ANO2: variants seen among roughly 807,000 people sequenced by gnomAD.
ANO2 encodes anoctamin 2.
In ANO2, 101 loss-of-function variants were observed where a neutral mutation model predicts 124.2. The ratio of observed to expected loss-of-function variants is 0.81; its 90% CI spans 0.69 to 0.96. The LOEUF (loss-of-function observed/expected upper bound fraction) is 0.96, where lower values mean the gene tolerates loss of function less well. Among genes scored for constraint, ANO2 ranks in the 40% least tolerant of loss-of-function variants. ANO2 has a pLI of 0.00. For synonymous variants in ANO2, 486 were observed against 482.5 expected, an observed-to-expected ratio of 1.01 and a Z score of -0.09; for missense variants, 1,293 against 1,274.5, an observed-to-expected ratio of 1.01 and a Z score of -0.22.
At chr12:5,882,978 C>T (rs958385018) in intron 3 of ANO2, among the ~76,000 whole-genome samples, 6 of 152,162 alleles carry the variant, frequency 3.9e-5, no homozygotes, top group African/African-American at 1.4e-4. Context: ...ACGGCTGCTG[C>T]ATGAGCAGAG....
At chr12:5,677,937 G>T (rs375089738) in intron 14 of ANO2, among the ~76,000 whole-genome samples, 2 of 152,264 alleles carry the variant, frequency 1.3e-5, no homozygotes, top group Admixed American at 6.5e-5. Context: ...GCATTTCAAT[G>T]AATGGAAGGT....
intron 23 of ANO2, among the ~76,000 whole-genome samples, chr12:5,567,339 C>T (rs1166870290): frequency 6.6e-6 from 1 of 152,192 alleles, no homozygotes; most frequent in African/African-American, 2.4e-5. Flanking sequence ...AGAGGGAGAG[C>T]GTGGCTAAAT....
chr12:5,895,384 T>C (rs1939709785), intron 3 of ANO2, among the ~76,000 whole-genome samples: 1 of 152,158 alleles, frequency 6.6e-6, no homozygotes, highest in African/African-American at 2.4e-5. Flanking sequence ...CTTAAGGAGA[T>C]TTGGGGCTGA....
chr12:5,592,481 A>C (rs1223450203), intron 20 of ANO2, among the ~76,000 whole-genome samples: 2 of 152,142 alleles, frequency 1.3e-5, no homozygotes, highest in Non-Finnish European at 2.9e-5. Flanking sequence ...AACCAGATAC[A>C]CACACGCGGG....
rs116823539 is a variant in ANO2 at position 5,892,469 on chromosome 12, T to C, written c.534+28571A>G. Among the ~76,000 whole-genome samples the C allele has an allele frequency of 5.4e-3, 826 of 152,150 alleles. 6 individuals are homozygous for C. Among genetic ancestry groups the C allele is most frequent in the African/African-American group, 0.019 (802 of 41,516 alleles). ...CCAAATAAGATAAACTCAAAGAAAT[T>C]CACACCTAGACACATCATAATCAAA... On this transcript the variant is annotated intron_variant, in intron 3 of 24. Transcript: ENST00000682330.
At chr12:5,800,220 G>A (rs188222212) in intron 9 of ANO2, among the ~76,000 whole-genome samples, 80 of 152,326 alleles carry the variant, frequency 5.3e-4, no homozygotes, top group African/African-American at 1.9e-3. Context: ...GCACATCCTA[G>A]GAAGAACAGG....
At chr12:5,577,332 C>T (rs1425103437) in intron 22 of ANO2, among the ~76,000 whole-genome samples, 1 of 152,204 alleles carries the variant, frequency 6.6e-6, no homozygotes, top group Non-Finnish European at 1.5e-5. Context: ...TGATATGTTC[C>T]TGGGAGGTGG....
chr12:5,654,195 T>C (rs781700569), intron 14 of ANO2, among the ~76,000 whole-genome samples: 16 of 152,278 alleles, frequency 1.1e-4, no homozygotes, highest in Admixed American at 3.3e-4. Flanking sequence ...AGATCAGTCC[T>C]GAAGTACAGG....
At chr12:5,727,380 C>T (rs143639682) in intron 14 of ANO2, among the ~76,000 whole-genome samples, 210 of 152,152 alleles carry the variant, frequency 1.4e-3, no homozygotes, top group Non-Finnish European at 2.4e-3. Flanking sequence ...CAGCACCATG[C>T]CTTTTCTAAA....
chr12:5,590,622 T>G (rs552774796), intron 20 of ANO2, among the ~76,000 whole-genome samples: 34 of 152,310 alleles, frequency 2.2e-4, no homozygotes, highest in African/African-American at 7.7e-4. Context: ...GTTCAGAGTT[T>G]GCTTGGCCTC....
intron 4 of ANO2, among the ~76,000 whole-genome samples, 175 bp downstream of exon 4, chr12:5,853,868 C>G: frequency 6.9e-6 from 1 of 145,292 alleles, no homozygotes; most frequent in Non-Finnish European, 1.5e-5. Context: ...CCAACTCTTC[C>G]CCGTCCCCGT....
chr12:5,891,221 A>T (rs764072302), intron 3 of ANO2, among the ~76,000 whole-genome samples: 1 of 152,194 alleles, frequency 6.6e-6, no homozygotes, highest in Non-Finnish European at 1.5e-5. Flanking sequence ...CTGGCTTTAG[A>T]AAAAGAAAGT....
intron 10 of ANO2, among the ~76,000 whole-genome samples, chr12:5,762,947 A>G (rs1263808664): frequency 6.6e-6 from 1 of 151,970 alleles, no homozygotes; most frequent in Non-Finnish European, 1.5e-5. Context: ...GAGTCTTTTC[A>G]ATATGAAAAG....
rs187529350 is a variant in ANO2 at position 5,769,008 on chromosome 12, G to A, written c.1056-18038C>T. ...TAACAAGAGGGCTGGGCTCGGGATGGCAGCGCTGTGGAAGCTGGGCTTAGC... is the reference window on the plus strand; with the variant it reads ...TAACAAGAGGGCTGGGCTCGGGATGACAGCGCTGTGGAAGCTGGGCTTAGC... On this transcript the variant is annotated intron_variant, in intron 10 of 24. Coordinates refer to ENST00000682330, the MANE Select transcript of ANO2 (RefSeq NM_001364791.2). This position sits in a 1 kb window ranked among gnomAD's most constrained non-coding sequence, Gnocchi z 4.0. Among the ~76,000 whole-genome samples, 350 of 152,302 alleles carry A rather than the reference G, an allele frequency of 2.3e-3. 1 individual carries two copies. Among genetic ancestry groups the A allele is most frequent in the African/African-American group, 8.3e-3 (343 of 41,550 alleles).
chr12:5,632,617 G>A (rs1945780362), intron 16 of ANO2, among the ~76,000 whole-genome samples: 1 of 151,978 alleles, frequency 6.6e-6, no homozygotes, highest in African/African-American at 2.4e-5. Context: ...AGTGAACATA[G>A]CTTCATGATG....
intron 19 of ANO2, among the ~76,000 whole-genome samples, chr12:5,603,002 G>A (rs1263349025): frequency 6.6e-6 from 1 of 152,200 alleles, no homozygotes; most frequent in Non-Finnish European, 1.5e-5. Context: ...AACTTTTTAT[G>A]CATGCATCCA....
intron 14 of ANO2, among the ~76,000 whole-genome samples, chr12:5,700,215 AAGAACAG>A (rs1241642645): frequency 6.6e-6 from 1 of 152,222 alleles, no homozygotes; most frequent in African/African-American, 2.4e-5. Flanking sequence ...ACAAATGTAA[AAGAACAG>A]AAATTATAAC....
chr12:5,785,670 CACACACACAT>C (rs1452032217), intron 10 of ANO2, among the ~76,000 whole-genome samples: 1 of 151,816 alleles, frequency 6.6e-6, no homozygotes, highest in Non-Finnish European at 1.5e-5. Context: ...CACACACACA[CACACACACAT>C]ACACACACAT....
In ANO2 at chr12:5,582,824, C is replaced by T. The variant is rs77537578; in HGVS notation, c.2234-4306G>A. Among the ~76,000 whole-genome samples, 1,221 of 152,234 alleles carry T rather than the reference C, an allele frequency of 8.0e-3. 15 individuals carry two copies. Among genetic ancestry groups the T allele is most frequent in the African/African-American group, 0.026 (1,071 of 41,544 alleles). ...TCTGTAATTTTCCTTTTCTTCTGGT[C>T]GGCTGAGTAGGATGCTATTCATCTC... On this transcript the variant is annotated intron_variant, in intron 20 of 24. Coordinates refer to ENST00000682330, the MANE Select transcript of ANO2 (RefSeq NM_001364791.2).
Sources: allele counts gnomAD v4.1 joint callset (sites outside exome capture counted in the v4.1 genomes callset), GRCh38; gene constraint gnomAD v4.1.1; non-coding constraint Gnocchi (gnomAD v3.1); transcripts MANE v1.5; gene names NCBI Gene and HGNC (gene_info 2026-07-23, HGNC 2026-07-21).